ANKRD30B: variants seen among roughly 807,000 people sequenced by gnomAD.
ANKRD30B encodes ankyrin repeat domain-containing protein 30B.
A neutral mutation model predicts 202.2 loss-of-function variants in ANKRD30B; 144 were observed. That is an observed-to-expected ratio of 0.71 (90% CI 0.62 to 0.82). The LOEUF (loss-of-function observed/expected upper bound fraction) is 0.82. ANKRD30B is among the 40% of genes least tolerant of loss of function. The pLI, the probability that ANKRD30B is intolerant of heterozygous loss-of-function variation, is 0.00. For missense variants in ANKRD30B, 1,487 were observed against 1,669.1 expected (o/e 0.89, Z 1.90); for synonymous variants, 508 against 561.3 (o/e 0.91, Z 1.34).
At chr18:14,825,814 A>G (rs1424247069) in intron 32 of ANKRD30B, among the ~76,000 whole-genome samples, 4 of 152,256 alleles carry the variant, frequency 2.6e-5, no homozygotes, top group Middle Eastern at 3.2e-3. Flanking sequence ...ATGGAAAGAT[A>G]AAGCAAATGC....
the ANKRD30B span, among the ~76,000 whole-genome samples, chr18:14,862,965 A>G: frequency 9.9e-5 from 15 of 152,202 alleles, no homozygotes; most frequent in Non-Finnish European, 2.2e-4. Context: ...CCATTTGGGA[A>G]TTGGAATATT....
At chr18:14,838,184 T>G (rs536505062) in intron 36 of ANKRD30B, among the ~76,000 whole-genome samples, 1 of 152,382 alleles carries the variant, frequency 6.6e-6, no homozygotes, top group South Asian at 2.1e-4. Context: ...TAGAAGGCAT[T>G]AGGAATCTAC....
chr18:14,778,252 C>T (rs1489617654), intron 10 of ANKRD30B, among the ~76,000 whole-genome samples, 177 bp downstream of exon 10: 1 of 151,596 alleles, frequency 6.6e-6, no homozygotes, highest in African/African-American at 2.4e-5. Flanking sequence ...ATTGAGAGTG[C>T]CAAAAAAGAG....
intron 24 of ANKRD30B, among the ~76,000 whole-genome samples, chr18:14,807,667 G>A (rs1156749975): frequency 2.0e-5 from 3 of 149,044 alleles, no homozygotes; most frequent in Non-Finnish European, 3.0e-5. Flanking sequence ...AAGTAGCTGC[G>A]GTTACAGGCA....
the ANKRD30B span, among the ~76,000 whole-genome samples, chr18:14,937,056 C>A: frequency 6.6e-6 from 1 of 152,202 alleles, no homozygotes; most frequent in African/African-American, 2.4e-5. Context: ...TAGTGACCAA[C>A]TGAAGACCCT....
At chr18:14,804,504 C>T (rs1969375941) in intron 24 of ANKRD30B, among the ~76,000 whole-genome samples, 1 of 148,940 alleles carries the variant, frequency 6.7e-6, no homozygotes, top group Non-Finnish European at 1.5e-5. Context: ...GTGATTCAGC[C>T]GACTAGGGAT....
At chr18:14,896,750 T>G in the ANKRD30B span, among the ~76,000 whole-genome samples, 1 of 139,372 alleles carries the variant, frequency 7.2e-6, no homozygotes, top group African/African-American at 2.8e-5. Context: ...AAATGCTGGA[T>G]ATGCAGACCA....
intron 1 of ANKRD30B, among the ~76,000 whole-genome samples, chr18:14,749,337 G>A (rs761513504): frequency 5.3e-5 from 8 of 152,254 alleles, no homozygotes; most frequent in Non-Finnish European, 5.9e-5. Flanking sequence ...TAATGGAGTA[G>A]AAAAGTCTTG....
At chr18:14,882,605 T>C in the ANKRD30B span, among the ~76,000 whole-genome samples, 3 of 152,168 alleles carry the variant, frequency 2.0e-5, no homozygotes, top group Non-Finnish European at 4.4e-5. Context: ...ATGTTCTGTA[T>C]ATATCTGTTA....
At chr18:14,860,888 A>G in the ANKRD30B span, among the ~76,000 whole-genome samples, 1 of 152,016 alleles carries the variant, frequency 6.6e-6, no homozygotes, top group Non-Finnish European at 1.5e-5. Context: ...TATTTTTAAT[A>G]GGGAGTTTCT....
intron 1 of ANKRD30B, among the ~76,000 whole-genome samples, chr18:14,750,755 C>G (rs1293614107): frequency 6.6e-6 from 1 of 151,962 alleles, no homozygotes; most frequent in Non-Finnish European, 1.5e-5. Context: ...GAAACATATA[C>G]GGAAGTATGT....
intron 24 of ANKRD30B, among the ~76,000 whole-genome samples, chr18:14,806,988 T>C (rs1418065681): frequency 1.3e-5 from 2 of 151,176 alleles, no homozygotes; most frequent in East Asian, 3.9e-4. Flanking sequence ...GGTTTTTATT[T>C]AAAGTGTATT....
At chr18:14,915,178 T>G in the ANKRD30B span, among the ~76,000 whole-genome samples, 3 of 152,132 alleles carry the variant, frequency 2.0e-5, no homozygotes, top group East Asian at 5.8e-4. Flanking sequence ...CTGAGCCTCT[T>G]CAATTAGAAT....
At chr18:14,925,255 G>C in the ANKRD30B span, among the ~76,000 whole-genome samples, 5 of 152,198 alleles carry the variant, frequency 3.3e-5, no homozygotes, top group Admixed American at 1.3e-4. Context: ...GGGAAGCACT[G>C]AGCTGGCCTG....
At chr18:14,778,858 A>G (rs1033703295) in intron 10 of ANKRD30B, among the ~76,000 whole-genome samples, 1 of 152,220 alleles carries the variant, frequency 6.6e-6, no homozygotes. Flanking sequence ...ATAGAAGGTC[A>G]AGACATAACA....
In ANKRD30B at chr18:14,784,484, A is replaced by G. The variant is rs1967950780; in HGVS notation, c.1621A>G (p.Thr541Ala). 6.2e-7 allele frequency: 1 copy of G among 1,613,238 alleles called. No individual in the cohort carries two copies. The highest frequency in any genetic ancestry group is 8.5e-7 in the Non-Finnish European group (1 of 1,179,398). Residue 541 changes from threonine to alanine, a missense_variant, in exon 14 of 44, where the codon ACT becomes GCT. Around this residue, in one of 6 missense-constraint regions of ANKRD30B, gnomAD observed 889 missense variants for 841.4 expected, o/e 1.06. Coordinates refer to ENST00000690538, the MANE Select transcript of ANKRD30B (RefSeq NM_001367607.2). ...TTAGCCTGCCGTTGAAATGCAAAAG[A>G]CTGTTCCAAATAAAGCCTTTGAATT... The part of the protein sequence containing the change: ...AFKPAVEMQK[T>A]VPNKAFELKN...
At chr18:14,922,921 G>A in the ANKRD30B span, among the ~76,000 whole-genome samples, 121 of 152,134 alleles carry the variant, frequency 8.0e-4, no homozygotes, top group Non-Finnish European at 1.0e-3. Flanking sequence ...TTGCATCTTG[G>A]AAACCAGCTC....
intron 15 of ANKRD30B, among the ~76,000 whole-genome samples, chr18:14,789,977 G>A (rs1733903846): frequency 6.6e-6 from 1 of 152,122 alleles, no homozygotes; most frequent in Non-Finnish European, 1.5e-5. Flanking sequence ...TAAATTACTT[G>A]GGCAGTATGG....
rs776821564 is a variant in ANKRD30B at position 14,822,527 on chromosome 18, T to A, written c.2670+16T>A. The A allele has an allele frequency of 7.7e-7, 1 of 1,299,424 alleles. No homozygotes were observed. The highest frequency in any genetic ancestry group is 2.4e-5 in the East Asian group (1 of 40,916). The allele number at this position is 1,299,424 out of a possible 1,614,324, so 80.5% of individuals were successfully genotyped here. ...TCTTCTGAAGGTAATAACTTTTATA[T>A]TTTTATCTTGAATATTAACTACTTA... On this transcript the variant is annotated intron_variant, in intron 31 of 43. Coordinates refer to ENST00000690538, the MANE Select transcript of ANKRD30B (RefSeq NM_001367607.2).
Sources: gnomAD v4.1 joint callset for allele counts (sites outside exome capture counted in the v4.1 genomes callset) on GRCh38, gnomAD v4.1.1 for gene constraint, gnomAD v4.1.1 regional missense constraint, MANE v1.5 for transcripts, NCBI Gene and HGNC (gene_info 2026-07-23, HGNC 2026-07-21) for gene names.